Variants in JAZF1 observed in about 807,000 individuals in gnomAD.
JAZF1 encodes the protein JAZF zinc finger 1.
A neutral mutation model predicts 26.4 loss-of-function variants in JAZF1; 8 were observed. The observed-to-expected ratio is 0.30, with a 90% CI of 0.18 to 0.55. The LOEUF is 0.55. JAZF1 is among the 20% of genes least tolerant of loss of function. The probability of loss-of-function intolerance (pLI) is 0.94; values close to 1 mark genes in which losing one functional copy is unlikely to be tolerated. For missense variants in JAZF1, 199 were observed against 322.0 expected (o/e 0.62, Z 2.92); for synonymous variants, 126 against 122.3 (o/e 1.03, Z -0.20).
intron 2 of JAZF1, among the ~76,000 whole-genome samples, chr7:27,939,057 A>C (rs1361846458): frequency 2.0e-5 from 3 of 152,194 alleles, no homozygotes; most frequent in Non-Finnish European, 4.4e-5. Context: ...TTTAGCAAGA[A>C]ATCTGAAGCT....
chr7:27,896,662 C>T (rs1406200134), intron 2 of JAZF1, among the ~76,000 whole-genome samples: 1 of 152,216 alleles, frequency 6.6e-6, no homozygotes, highest in Non-Finnish European at 1.5e-5. Flanking sequence ...TTTTGGAAGT[C>T]AACAGATAGT....
intron 1 of JAZF1, among the ~76,000 whole-genome samples, chr7:28,004,198 G>A (rs1322301544): frequency 6.6e-6 from 1 of 152,150 alleles, no homozygotes; most frequent in Non-Finnish European, 1.5e-5. Context: ...GGGATAACCA[G>A]AAAGGGGGGG....
At chr7:27,967,043 C>T (rs748435304) in intron 2 of JAZF1, among the ~76,000 whole-genome samples, 11 of 152,176 alleles carry the variant, frequency 7.2e-5, no homozygotes, top group Non-Finnish European at 1.6e-4. Flanking sequence ...GCCCAACTAC[C>T]ATTTCTTATT....
intron 1 of JAZF1, among the ~76,000 whole-genome samples, chr7:28,130,509 T>C (rs1319099868): frequency 6.6e-6 from 1 of 152,146 alleles, no homozygotes; most frequent in African/African-American, 2.4e-5. Context: ...ACATTCACCC[T>C]CCCTTGCAAG....
chr7:27,928,446 G>A lies in JAZF1; in HGVS notation c.189-33030C>T, dbSNP rs534051975. Among the ~76,000 whole-genome samples the A allele has an allele frequency of 6.6e-5, 10 of 152,252 alleles. No individual in the cohort carries two copies. In the East Asian group the frequency reaches 1.2e-3, roughly 18 times the overall value. Reference sequence around the variant, plus strand: ...CAAGGCCTTTTACGACTGGGATGTCGCAGTCAATCTTAGATTTGCCTTCTA... The same window carrying A: ...CAAGGCCTTTTACGACTGGGATGTCACAGTCAATCTTAGATTTGCCTTCTA... On this transcript the variant is annotated intron_variant, in intron 2 of 4. Coordinates refer to ENST00000283928, the MANE Select transcript of JAZF1 (RefSeq NM_175061.4).
intron 1 of JAZF1, among the ~76,000 whole-genome samples, chr7:28,043,803 A>T (rs1005072780): frequency 6.6e-6 from 1 of 151,078 alleles, no homozygotes; most frequent in Non-Finnish European, 1.5e-5. Flanking sequence ...TTCAGCCATA[A>T]AAAAAAAAGA....
intron 1 of JAZF1, among the ~76,000 whole-genome samples, chr7:28,034,277 G>A (rs529069243): frequency 6.6e-6 from 1 of 151,276 alleles, no homozygotes; most frequent in Non-Finnish European, 1.5e-5. Flanking sequence ...GAATCTGAAA[G>A]GTTAGGATGG....
intron 1 of JAZF1, among the ~76,000 whole-genome samples, chr7:28,053,888 A>G (rs911503872): frequency 6.6e-6 from 1 of 152,142 alleles, no homozygotes; most frequent in Non-Finnish European, 1.5e-5. Flanking sequence ...TCACACCCCG[A>G]GCAGCTCTGC....
At chr7:27,992,359 AG>A in intron 1 of JAZF1, 1 of 356,788 alleles carries the variant, frequency 2.8e-6, no homozygotes, top group South Asian at 2.3e-5. Context: ...GGAACAAATT[AG>A]TTTCCATTGG....
chr7:27,918,155 G>T (rs1380943639), intron 2 of JAZF1, among the ~76,000 whole-genome samples: 1 of 152,140 alleles, frequency 6.6e-6, no homozygotes, highest in Non-Finnish European at 1.5e-5. Flanking sequence ...CTCCTGTTGT[G>T]TTAAGTCACT....
intron 1 of JAZF1, among the ~76,000 whole-genome samples, chr7:28,053,467 GCTTTCCAAT>G (rs1783648527): frequency 6.6e-6 from 1 of 152,106 alleles, no homozygotes; most frequent in Non-Finnish European, 1.5e-5. Flanking sequence ...CAATGCATAA[GCTTTCCAAT>G]TTTTCTGCAT....
intron 1 of JAZF1, among the ~76,000 whole-genome samples, chr7:28,105,073 A>G (rs917762773): frequency 6.6e-6 from 1 of 152,174 alleles, no homozygotes; most frequent in Non-Finnish European, 1.5e-5. Flanking sequence ...CAGTAACTCT[A>G]GGAGATACAG....
chr7:28,133,240 T>C (rs1347858124), intron 1 of JAZF1, among the ~76,000 whole-genome samples: 1 of 152,234 alleles, frequency 6.6e-6, no homozygotes, highest in Non-Finnish European at 1.5e-5. Flanking sequence ...ACTTTCCTAC[T>C]ACCAGCTACC....
intron 3 of JAZF1, among the ~76,000 whole-genome samples, chr7:27,845,446 C>G (rs566562354): frequency 2.2e-4 from 33 of 152,170 alleles, no homozygotes; most frequent in Non-Finnish European, 4.7e-4. Context: ...CGCCTGTAAT[C>G]CCAGCACTTT....
chr7:28,124,409 C>A (rs993970739), intron 1 of JAZF1, among the ~76,000 whole-genome samples: 4 of 152,206 alleles, frequency 2.6e-5, no homozygotes, highest in Admixed American at 1.3e-4. Flanking sequence ...GCAGCCCAAG[C>A]GGTTCTCGAG....
At chr7:28,012,220 C>T (rs986038042) in intron 1 of JAZF1, among the ~76,000 whole-genome samples, 1 of 152,082 alleles carries the variant, frequency 6.6e-6, no homozygotes, top group Non-Finnish European at 1.5e-5. Context: ...TTTCATTCAC[C>T]GTGTCAAAAA....
chr7:28,176,591 G>A (rs192571893), intron 1 of JAZF1, among the ~76,000 whole-genome samples: 2 of 152,118 alleles, frequency 1.3e-5, no homozygotes, highest in African/African-American at 4.8e-5. Flanking sequence ...ATTGTTTATT[G>A]TCTGGCCCCC....
chr7:28,024,256 C>T (rs1036021761), intron 1 of JAZF1, among the ~76,000 whole-genome samples: 1 of 152,030 alleles, frequency 6.6e-6, no homozygotes, highest in Non-Finnish European at 1.5e-5. Context: ...AATCACGCCA[C>T]CACATTCCAG....
chr7:27,950,251 T>C (rs1046895184), intron 2 of JAZF1, among the ~76,000 whole-genome samples: 1 of 152,234 alleles, frequency 6.6e-6, no homozygotes, highest in Non-Finnish European at 1.5e-5. Context: ...TCTGCAGAGT[T>C]GTTGAGGCTA....
Sources: allele counts gnomAD v4.1 joint callset (sites outside exome capture counted in the v4.1 genomes callset), GRCh38; gene constraint gnomAD v4.1.1; transcripts MANE v1.5; gene names NCBI Gene and HGNC (gene_info 2026-07-23, HGNC 2026-07-21).